Variants in CFAP299 observed in about 807,000 individuals in gnomAD.
CFAP299 encodes cilia- and flagella-associated protein 299.
Under a neutral mutation model 27.0 loss-of-function variants are expected in CFAP299, and 21 were observed. The observed-to-expected ratio is 0.78, with a 90% confidence interval of 0.55 to 1.12. The LOEUF is 1.12. Among genes scored for constraint, CFAP299 ranks in the 50% most tolerant of loss-of-function variants. The probability of loss-of-function intolerance (pLI) is 0.00; values close to 1 mark genes in which losing one functional copy is unlikely to be tolerated. For synonymous variants in CFAP299, 104 were observed against 98.1 expected, an observed-to-expected ratio of 1.06 and a Z score of -0.36; for missense variants, 310 against 276.6, an observed-to-expected ratio of 1.12 and a Z score of -0.86.
At chr4:80,379,642 A>G (rs1724595281) in intron 2 of CFAP299, among the ~76,000 whole-genome samples, 1 of 152,028 alleles carries the variant, frequency 6.6e-6, no homozygotes, top group Non-Finnish European at 1.5e-5. Context: ...CAAAGGCTTT[A>G]TAATTTCCTT....
At chr4:80,758,524 T>C (rs1262325745) in intron 3 of CFAP299, among the ~76,000 whole-genome samples, 2 of 152,158 alleles carry the variant, frequency 1.3e-5, no homozygotes, top group East Asian at 3.9e-4. Context: ...GTTGTCACTT[T>C]GGGCCATGGT....
At chr4:80,699,243 T>G (rs868759855) in intron 3 of CFAP299, among the ~76,000 whole-genome samples, 2 of 152,288 alleles carry the variant, frequency 1.3e-5, no homozygotes, top group Middle Eastern at 6.8e-3. Flanking sequence ...TAAGAAACTC[T>G]GTTTCAAAGG....
chr4:80,478,627 C>T (rs1428373400), intron 2 of CFAP299, among the ~76,000 whole-genome samples: 1 of 151,982 alleles, frequency 6.6e-6, no homozygotes, highest in Non-Finnish European at 1.5e-5. Flanking sequence ...TATGTATACC[C>T]AGTGAAACCA....
intron 3 of CFAP299, among the ~76,000 whole-genome samples, chr4:80,779,496 C>T (rs955828411): frequency 6.6e-6 from 1 of 152,102 alleles, no homozygotes; most frequent in African/African-American, 2.4e-5. Context: ...TATTTGTCTT[C>T]TTTTCCCCTT....
chr4:80,787,660 C>T (rs1318701002), intron 3 of CFAP299, among the ~76,000 whole-genome samples: 3 of 151,934 alleles, frequency 2.0e-5, no homozygotes, highest in Admixed American at 6.6e-5. Context: ...ATAGTAGGTC[C>T]TTTCAGTTAC....
chr4:80,548,637 C>A (rs1163872052), intron 2 of CFAP299, among the ~76,000 whole-genome samples: 2 of 152,106 alleles, frequency 1.3e-5, no homozygotes, highest in Admixed American at 1.3e-4. Context: ...ATATTTTGGT[C>A]TTATTCCAGT....
intron 1 of CFAP299, among the ~76,000 whole-genome samples, chr4:80,347,413 T>G (rs1221255348): frequency 2.6e-5 from 4 of 152,030 alleles, no homozygotes; most frequent in Non-Finnish European, 4.4e-5. Context: ...TTTCTTAAGC[T>G]GATATGCAAC....
At chr4:80,750,414 C>G (rs1724865876) in intron 3 of CFAP299, among the ~76,000 whole-genome samples, 1 of 151,946 alleles carries the variant, frequency 6.6e-6, no homozygotes, top group African/African-American at 2.4e-5. Flanking sequence ...TTATTGAGCT[C>G]ACGACATGCA....
intron 2 of CFAP299, among the ~76,000 whole-genome samples, chr4:80,546,345 G>C (rs193215723): frequency 6.6e-6 from 1 of 152,038 alleles, no homozygotes; most frequent in Non-Finnish European, 1.5e-5. Flanking sequence ...TTCAACCTCA[G>C]AGCCACATCA....
At chr4:80,871,626 T>C in intron 4 of CFAP299, 2 of 983,492 alleles carry the variant, frequency 2.0e-6, no homozygotes, top group Non-Finnish European at 2.4e-6. Context: ...CTCTTGTTTT[T>C]CATCACCACC....
chr4:80,954,686 G>A (rs768875680), intron 5 of CFAP299, among the ~76,000 whole-genome samples: 32 of 151,872 alleles, frequency 2.1e-4, no homozygotes, highest in Non-Finnish European at 4.0e-4. Context: ...TATGCGGGGG[G>A]GACAACTTAT....
At chr4:80,830,119 T>C (rs1192200150) in intron 3 of CFAP299, among the ~76,000 whole-genome samples, 3 of 152,104 alleles carry the variant, frequency 2.0e-5, no homozygotes, top group Non-Finnish European at 4.4e-5. Context: ...GGCACTAAAA[T>C]GCAAAGTCAT....
At chr4:80,336,220 T>A (rs1722132884) in intron 1 of CFAP299, among the ~76,000 whole-genome samples, 1 of 152,220 alleles carries the variant, frequency 6.6e-6, no homozygotes, top group South Asian at 2.1e-4. Context: ...GAAGGAGGTC[T>A]GCTGAGAAGT....
intron 2 of CFAP299, among the ~76,000 whole-genome samples, chr4:80,402,935 T>C (rs1280012238): frequency 6.6e-6 from 1 of 152,210 alleles, no homozygotes; most frequent in Non-Finnish European, 1.5e-5. Context: ...CAGGTTTGTC[T>C]TTATCAGAGT....
intron 3 of CFAP299, among the ~76,000 whole-genome samples, chr4:80,690,432 C>G (rs1720586699): frequency 6.6e-6 from 1 of 152,152 alleles, no homozygotes; most frequent in African/African-American, 2.4e-5. Flanking sequence ...ACAACCTGCT[C>G]CTGAGTGACT....
chr4:80,616,647 C>T (rs2109925225), intron 3 of CFAP299, among the ~76,000 whole-genome samples: 1 of 152,054 alleles, frequency 6.6e-6, no homozygotes, highest in African/African-American at 2.4e-5. Flanking sequence ...TCCTGGGGGG[C>T]CCTAAGCATG....
Position 80,799,238 on chromosome 4 carries a change from T to A in CFAP299, c.334-70755T>A, listed in dbSNP as rs1167790752. 1.5e-4 allele frequency among the ~76,000 whole-genome samples: 11 copies of A among 72,340 alleles called. No homozygotes were observed. In the South Asian group the frequency reaches 3.0e-3, roughly 20 times the overall value. 47.5% of individuals were successfully genotyped at this position (72,340 alleles called of 152,430 possible). On this transcript the variant is annotated intron_variant, in intron 3 of 5. Transcript: ENST00000358105. ...TTGTATAAATATATTTATATAATATTTATATATATTGTATAAATATATTTA... is the reference window on the plus strand; with the variant it reads ...TTGTATAAATATATTTATATAATATATATATATATTGTATAAATATATTTA...
At position 80,710,500 on chromosome 4, in the gene CFAP299, T is replaced by TA. The variant is rs5859733; in HGVS notation, c.333+127328dup. Among the ~76,000 whole-genome samples the TA allele has an allele frequency of 6.5e-3, 733 of 112,080 alleles. 8 individuals carry two copies. Among genetic ancestry groups the TA allele is most frequent in the South Asian group, 0.026 (90 of 3,422 alleles). 73.5% of individuals were successfully genotyped at this position (112,080 alleles called of 152,430 possible). On this transcript the variant is annotated intron_variant, in intron 3 of 5. Coordinates refer to ENST00000358105, the MANE Select transcript of CFAP299 (RefSeq NM_152770.3). ...TTCTTTTTCTTTTTTTTTTTTTTTT[T>TA]AAAAAAAAAAAGGTAAGTTGGAATA...
chr4:80,397,264 T>A (rs963862212), intron 2 of CFAP299, among the ~76,000 whole-genome samples: 19 of 152,194 alleles, frequency 1.2e-4, no homozygotes, highest in African/African-American at 4.6e-4. Context: ...ATTTGATTCT[T>A]CTCTCTTTTC....
Sources: gnomAD v4.1 joint callset for allele counts (sites outside exome capture counted in the v4.1 genomes callset) on GRCh38, gnomAD v4.1.1 for gene constraint, MANE v1.5 for transcripts, NCBI Gene and HGNC (gene_info 2026-07-23, HGNC 2026-07-21) for gene names.